LARGE1: variants seen among roughly 807,000 people sequenced by gnomAD.
LARGE1 encodes xylosyl- and glucuronyltransferase LARGE1.
Under a neutral mutation model 87.6 loss-of-function variants are expected in LARGE1, and 43 were observed. That is an observed-to-expected ratio of 0.49 (90% CI 0.38 to 0.63). The LOEUF is 0.63. LARGE1 is among the 30% of genes least tolerant of loss of function. The pLI is 0.00. For missense variants in LARGE1, 802 were observed against 1,000.2 expected (o/e 0.80, Z 2.67); for synonymous variants, 434 against 394.6 (o/e 1.10, Z -1.18).
chr22:33,727,320 A>T (rs2083301452), intron 2 of LARGE1, among the ~76,000 whole-genome samples: 1 of 152,218 alleles, frequency 6.6e-6, no homozygotes, highest in Non-Finnish European at 1.5e-5. Flanking sequence ...CACTGAACAG[A>T]GGGTGATCCA....
intron 11 of LARGE1, among the ~76,000 whole-genome samples, chr22:33,241,130 T>C (rs1432929847): frequency 6.6e-6 from 1 of 152,216 alleles, no homozygotes; most frequent in African/African-American, 2.4e-5. Context: ...AGCTTCTTCA[T>C]ATCTCTTGCC....
chr22:33,740,581 C>G (rs1390470066), intron 2 of LARGE1, among the ~76,000 whole-genome samples: 1 of 152,136 alleles, frequency 6.6e-6, no homozygotes, highest in African/African-American at 2.4e-5. Flanking sequence ...CAGTATCAGA[C>G]GTACACTTGG....
intron 1 of LARGE1, among the ~76,000 whole-genome samples, chr22:33,860,553 T>G (rs1043805278): frequency 6.6e-6 from 1 of 152,190 alleles, no homozygotes; most frequent in African/African-American, 2.4e-5. Context: ...GATTCTCTAC[T>G]CAGCAGCAAG....
intron 6 of LARGE1, among the ~76,000 whole-genome samples, chr22:33,489,891 C>A (rs2069752567): frequency 6.6e-6 from 1 of 152,186 alleles, no homozygotes; most frequent in Non-Finnish European, 1.5e-5. Context: ...TGGACATGAA[C>A]AAGCGTAGAT....
intron 1 of LARGE1, among the ~76,000 whole-genome samples, chr22:33,875,544 G>A (rs1037157564): frequency 3.9e-5 from 6 of 152,126 alleles, no homozygotes; most frequent in African/African-American, 9.7e-5. Flanking sequence ...TCCCCAGCCC[G>A]CCATGCCTGC....
intron 7 of LARGE1, among the ~76,000 whole-genome samples, chr22:33,410,856 G>A (rs2066283976): frequency 6.6e-6 from 1 of 152,058 alleles, no homozygotes; most frequent in Admixed American, 6.6e-5. Context: ...TGTAGAATGG[G>A]AATTATATGA....
At chr22:33,464,640 C>G (rs2068514728) in intron 6 of LARGE1, among the ~76,000 whole-genome samples, 1 of 152,036 alleles carries the variant, frequency 6.6e-6, no homozygotes, top group African/African-American at 2.4e-5. Flanking sequence ...TGAAAAAATG[C>G]AAATTAATAT....
intron 9 of LARGE1, among the ~76,000 whole-genome samples, chr22:33,350,879 G>T (rs879726277): frequency 6.6e-6 from 1 of 152,130 alleles, no homozygotes; most frequent in African/African-American, 2.4e-5. Context: ...TAAGAACACA[G>T]GGATGGGTTC....
intron 11 of LARGE1, among the ~76,000 whole-genome samples, chr22:33,265,431 G>A (rs1005138246): frequency 6.6e-6 from 1 of 152,124 alleles, no homozygotes; most frequent in Non-Finnish European, 1.5e-5. Context: ...ACCTATTGTG[G>A]CAATAGTCCT....
At chr22:33,919,700 G>T (rs575075802) in intron 1 of LARGE1, among the ~76,000 whole-genome samples, 1 of 152,362 alleles carries the variant, frequency 6.6e-6, no homozygotes, top group African/African-American at 2.4e-5. Flanking sequence ...CGGGGGTGCG[G>T]GTATCGGTCA....
intron 14 of LARGE1, among the ~76,000 whole-genome samples, chr22:33,275,044 G>T (rs1256218349): frequency 1.3e-5 from 2 of 152,186 alleles, no homozygotes; most frequent in African/African-American, 2.4e-5. Flanking sequence ...ATCTGTTTAT[G>T]ATTCCTCATA....
intron 1 of LARGE1, among the ~76,000 whole-genome samples, chr22:33,865,458 G>A (rs1806411535): frequency 6.6e-6 from 1 of 152,170 alleles, no homozygotes; most frequent in Admixed American, 6.5e-5. Context: ...CAACCTAAAT[G>A]AGTCATTTGG....
At chr22:33,677,112 A>G (rs1302503748) in intron 2 of LARGE1, among the ~76,000 whole-genome samples, 1 of 152,138 alleles carries the variant, frequency 6.6e-6, no homozygotes, top group Non-Finnish European at 1.5e-5. Context: ...CAGGGCCAGC[A>G]TTAGAACCCA....
At chr22:33,352,497 T>C (rs141566260) in intron 9 of LARGE1, among the ~76,000 whole-genome samples, 1,656 of 152,216 alleles carry the variant, frequency 0.011, 10 homozygotes, top group South Asian at 0.017. Context: ...CTCATGCCTG[T>C]AATCCCAGCA....
intron 1 of LARGE1, among the ~76,000 whole-genome samples, chr22:33,785,079 A>C (rs1009267804): frequency 7.4e-6 from 1 of 134,596 alleles, no homozygotes; most frequent in African/African-American, 2.8e-5. Context: ...ATGTGTATAC[A>C]TACATATGTG....
At chr22:33,141,072 G>A in the LARGE1 span, among the ~76,000 whole-genome samples, 64,102 of 151,826 alleles carry the variant, frequency 0.42, 13,975 homozygotes, top group South Asian at 0.68. Flanking sequence ...CCTGGAGATC[G>A]TCTTTGCCCA....
chr22:33,425,546 G>T (rs1167675368), intron 7 of LARGE1, among the ~76,000 whole-genome samples: 3 of 152,156 alleles, frequency 2.0e-5, no homozygotes, highest in East Asian at 3.9e-4. Context: ...CAGTACAAAA[G>T]AAAGTAGGGA....
At chr22:33,899,752 C>T (rs1339164209) in intron 1 of LARGE1, among the ~76,000 whole-genome samples, 1 of 152,196 alleles carries the variant, frequency 6.6e-6, no homozygotes, top group African/African-American at 2.4e-5. Context: ...GACCAGCAGC[C>T]CTCAGAAATT....
intron 1 of LARGE1, among the ~76,000 whole-genome samples, chr22:33,852,308 G>A (rs999076857): frequency 2.6e-5 from 4 of 151,996 alleles, no homozygotes; most frequent in Non-Finnish European, 5.9e-5. Context: ...GCTCCCAGAT[G>A]AAGTTTTTTT....
Sources: gnomAD v4.1 joint callset for allele counts (sites outside exome capture counted in the v4.1 genomes callset) on GRCh38, gnomAD v4.1.1 for gene constraint, MANE v1.5 for transcripts, NCBI Gene and HGNC (gene_info 2026-07-23, HGNC 2026-07-21) for gene names.